The following STAU2 variants were observed in gnomAD, a reference collection of about 807,000 sequenced individuals.
STAU2 encodes the protein double-stranded RNA-binding protein Staufen homolog 2.
STAU2 carries 20 observed loss-of-function variants against 65.9 expected under a neutral mutation model. The observed-to-expected ratio is 0.30, with a 90% confidence interval of 0.21 to 0.44. STAU2 has a LOEUF of 0.44. Among genes scored for constraint, STAU2 ranks in the 20% least tolerant of loss-of-function variants. STAU2 has a pLI of 1.00. For synonymous variants in STAU2, 232 were observed against 233.9 expected, an observed-to-expected ratio of 0.99 and a Z score of 0.07; for missense variants, 558 against 683.9, an observed-to-expected ratio of 0.82 and a Z score of 2.05.
At chr8:73,445,294 A>G (rs1381792871) in intron 13 of STAU2, among the ~76,000 whole-genome samples, 1 of 152,220 alleles carries the variant, frequency 6.6e-6, no homozygotes, top group African/African-American at 2.4e-5. Flanking sequence ...CTAGGAGAGG[A>G]TGAATCCTAA....
intron 13 of STAU2, among the ~76,000 whole-genome samples, chr8:73,473,595 C>T (rs142158791): frequency 7.2e-4 from 109 of 152,252 alleles, no homozygotes; most frequent in African/African-American, 2.4e-3. Flanking sequence ...CCTTCTTCCC[C>T]GGGAAGCCCT....
intron 13 of STAU2, among the ~76,000 whole-genome samples, chr8:73,497,894 A>T (rs1821512187): frequency 6.6e-6 from 1 of 151,844 alleles, no homozygotes; most frequent in Non-Finnish European, 1.5e-5. Flanking sequence ...AACATCTCAC[A>T]TGCTTTGTCA....
chr8:73,486,278 T>A (rs550774143), intron 13 of STAU2, among the ~76,000 whole-genome samples: 1 of 152,224 alleles, frequency 6.6e-6, no homozygotes, highest in South Asian at 2.1e-4. Context: ...ACTAAATTGA[T>A]TCATTAAAGG....
chr8:73,423,253 A>G (rs1816532238), intron 13 of STAU2, among the ~76,000 whole-genome samples: 1 of 152,174 alleles, frequency 6.6e-6, no homozygotes. Context: ...TGGGCTGGTC[A>G]TGTTCTGGGG....
chr8:73,444,177 C>T (rs997753754), intron 13 of STAU2, among the ~76,000 whole-genome samples: 19 of 152,184 alleles, frequency 1.2e-4, no homozygotes, highest in Middle Eastern at 3.4e-3. Context: ...AAGGCCGAGG[C>T]GGGCAGATCA....
At chr8:73,613,218 C>T (rs1251372694) in intron 9 of STAU2, among the ~76,000 whole-genome samples, 2 of 152,182 alleles carry the variant, frequency 1.3e-5, no homozygotes, top group Non-Finnish European at 2.9e-5. Context: ...GCTGCTGTAG[C>T]TATCATTGTT....
chr8:73,587,988 C>G (rs530403133), intron 11 of STAU2, among the ~76,000 whole-genome samples: 3 of 152,204 alleles, frequency 2.0e-5, no homozygotes, highest in Admixed American at 1.3e-4. Flanking sequence ...GTAGTCATGT[C>G]TTGACTTCAA....
chr8:73,443,030 C>G (rs969403663), intron 13 of STAU2, among the ~76,000 whole-genome samples: 18 of 152,208 alleles, frequency 1.2e-4, no homozygotes, highest in African/African-American at 3.4e-4. Context: ...AACTTCAAAT[C>G]AAAACCTCAA....
intron 13 of STAU2, among the ~76,000 whole-genome samples, chr8:73,485,621 C>A (rs1820874947): frequency 6.6e-6 from 1 of 152,082 alleles, no homozygotes; most frequent in East Asian, 1.9e-4. Flanking sequence ...GAGGTCCAGG[C>A]ATGTGGATTG....
intron 13 of STAU2, among the ~76,000 whole-genome samples, chr8:73,448,089 A>G (rs1818574388): frequency 6.6e-6 from 1 of 151,722 alleles, no homozygotes. Context: ...AAGTGACTGG[A>G]CCCTCCCAAG....
Position 73,596,660 on chromosome 8 carries a change from G to A in STAU2, c.1030-1363C>T, listed in dbSNP as rs142930855. Among the ~76,000 whole-genome samples, 30 of 152,070 alleles carry A rather than the reference G, an allele frequency of 2.0e-4. 1 individual carries two copies. The East Asian group carries it at 4.6e-3, about 23-fold the overall frequency. The stretch of plus-strand genomic sequence containing the variant: ...GGCCAGGAGTTTGAGACCCGCCTGG[G>A]CAATATAGTGAGACCCCATTTTTAC... On this transcript the variant is annotated intron_variant, in intron 10 of 14. Transcript: ENST00000524300.
chr8:73,728,618 A>C (rs979727871), intron 3 of STAU2, among the ~76,000 whole-genome samples: 2 of 152,316 alleles, frequency 1.3e-5, no homozygotes, highest in South Asian at 4.1e-4. Flanking sequence ...CTTTATTTCA[A>C]CATGTTTTAT....
At chr8:73,491,893 A>G (rs1382854326) in intron 13 of STAU2, among the ~76,000 whole-genome samples, 1 of 152,026 alleles carries the variant, frequency 6.6e-6, no homozygotes, top group Admixed American at 6.6e-5. Flanking sequence ...AATGAGAAGT[A>G]GTCTTCTTTG....
chr8:73,549,746 G>A, intron 13 of STAU2: 1 of 985,746 alleles, frequency 1.0e-6, no homozygotes, highest in Non-Finnish European at 1.2e-6. Flanking sequence ...AACAGTATCT[G>A]TTCAGTGTGC....
chr8:73,575,205 C>T (rs1374004878), intron 12 of STAU2, among the ~76,000 whole-genome samples: 2 of 150,324 alleles, frequency 1.3e-5, no homozygotes, highest in Admixed American at 1.3e-4. Context: ...ATGTCATTCA[C>T]AGAAAAAGTA....
At chr8:73,506,280 C>T (rs1199447646) in intron 13 of STAU2, among the ~76,000 whole-genome samples, 9 of 152,066 alleles carry the variant, frequency 5.9e-5, no homozygotes, top group South Asian at 2.1e-4. Flanking sequence ...TGCAGTGAGC[C>T]GTTGCTCCTA....
At chr8:73,588,175 TAG>T (rs1810510259) in intron 11 of STAU2, among the ~76,000 whole-genome samples, 1 of 152,186 alleles carries the variant, frequency 6.6e-6, no homozygotes, top group South Asian at 2.1e-4. Context: ...TTGAACCCTT[TAG>T]AGACCTGAGA....
At chr8:73,714,975 G>A (rs765655207) in intron 3 of STAU2, among the ~76,000 whole-genome samples, 1 of 151,610 alleles carries the variant, frequency 6.6e-6, no homozygotes, top group Non-Finnish European at 1.5e-5. Flanking sequence ...CAGCTACTCA[G>A]GAGGCTGAGG....
chr8:73,510,983 C>T (rs980184849), intron 13 of STAU2, among the ~76,000 whole-genome samples: 9 of 152,224 alleles, frequency 5.9e-5, no homozygotes, highest in African/African-American at 2.2e-4. Flanking sequence ...TGCAGAAGGT[C>T]AACTGGCAGC....
Sources: gnomAD v4.1 joint callset for allele counts (sites outside exome capture counted in the v4.1 genomes callset) on GRCh38, gnomAD v4.1.1 for gene constraint, MANE v1.5 for transcripts, NCBI Gene and HGNC (gene_info 2026-07-23, HGNC 2026-07-21) for gene names.